The following TMPRSS11D variants were observed in gnomAD, a reference collection of about 807,000 sequenced individuals.
The protein encoded by TMPRSS11D is transmembrane serine protease 11D.
Under a neutral mutation model 44.4 loss-of-function variants are expected in TMPRSS11D, and 32 were observed. The ratio of observed to expected loss-of-function variants is 0.72; its 90% CI spans 0.54 to 0.97. The LOEUF (loss-of-function observed/expected upper bound fraction) is 0.97. Among genes scored for constraint, TMPRSS11D ranks in the 50% least tolerant of loss-of-function variants. The pLI is 0.00. For missense variants in TMPRSS11D, 446 were observed against 502.6 expected (o/e 0.89, Z 1.08); for synonymous variants, 179 against 177.9 (o/e 1.01, Z -0.05).
chr4:67,857,929 G>A (rs1718694371), intron 2 of TMPRSS11D, among the ~76,000 whole-genome samples: 1 of 152,034 alleles, frequency 6.6e-6, no homozygotes. Context: ...ACCCTGGCTT[G>A]ATCATTACAC....
intron 1 of TMPRSS11D, among the ~76,000 whole-genome samples, chr4:67,879,635 GTC>G (rs1202981841): frequency 6.6e-6 from 1 of 152,038 alleles, no homozygotes; most frequent in Non-Finnish European, 1.5e-5. Flanking sequence ...GAAAAGAATG[GTC>G]TCTGGTGGAG....
intron 1 of TMPRSS11D, among the ~76,000 whole-genome samples, chr4:67,880,302 C>T (rs1719290162): frequency 6.6e-6 from 1 of 151,768 alleles, no homozygotes; most frequent in Admixed American, 6.6e-5. Flanking sequence ...AATTAAAAAG[C>T]AAAAGGAGAG....
intron 2 of TMPRSS11D, among the ~76,000 whole-genome samples, chr4:67,855,061 C>A (rs1196583704): frequency 6.6e-6 from 1 of 152,166 alleles, no homozygotes; most frequent in Non-Finnish European, 1.5e-5. Context: ...TCGAGACCAA[C>A]CTGGCCAACA....
chr4:67,833,387 G>A lies in TMPRSS11D; in HGVS notation c.515-6C>T. The A allele has an allele frequency of 2.0e-6, 3 of 1,483,612 alleles. No individual in the cohort carries two copies. The highest frequency in any genetic ancestry group is 2.7e-6 in the Non-Finnish European group (3 of 1,114,474). 91.9% of individuals were successfully genotyped at this position (1,483,612 alleles called of 1,614,324 possible). ...GTCTGGACCGGCCCCACATTCTAATGAGAAAGGGCATTAATGTGCTGGGAA... is the reference window on the plus strand; with the variant it reads ...GTCTGGACCGGCCCCACATTCTAATAAGAAAGGGCATTAATGTGCTGGGAA... On this transcript the variant is annotated splice_polypyrimidine_tract_variant and splice_region_variant and intron_variant, in intron 6 of 9. Coordinates refer to ENST00000283916, the MANE Select transcript of TMPRSS11D (RefSeq NM_004262.3).
At chr4:67,867,462 A>G (rs1396085448) in intron 1 of TMPRSS11D, among the ~76,000 whole-genome samples, 1 of 152,176 alleles carries the variant, frequency 6.6e-6, no homozygotes, top group Non-Finnish European at 1.5e-5. Flanking sequence ...AATGCAACAA[A>G]ATAAAAATAG....
intron 1 of TMPRSS11D, among the ~76,000 whole-genome samples, chr4:67,868,996 T>C (rs1718992231): frequency 6.6e-6 from 1 of 152,238 alleles, no homozygotes; most frequent in South Asian, 2.1e-4. Context: ...AGAGTGGAAG[T>C]CCAAGATGAA....
intron 5 of TMPRSS11D, among the ~76,000 whole-genome samples, chr4:67,836,758 A>T (rs1047611463): frequency 6.6e-6 from 1 of 152,196 alleles, no homozygotes; most frequent in Non-Finnish European, 1.5e-5. Flanking sequence ...AAGTGTTTTG[A>T]TGATGATGGT....
intron 1 of TMPRSS11D, among the ~76,000 whole-genome samples, chr4:67,866,162 T>C (rs1201358611): frequency 6.6e-6 from 1 of 151,796 alleles, no homozygotes; most frequent in Non-Finnish European, 1.5e-5. Context: ...GTCAACTGGG[T>C]TTTATTCCAG....
intron 3 of TMPRSS11D, among the ~76,000 whole-genome samples, chr4:67,852,756 T>G (rs1345049932): frequency 1.3e-5 from 2 of 152,168 alleles, no homozygotes; most frequent in Non-Finnish European, 2.9e-5. Context: ...AATAAGTTCA[T>G]TATGTCAGAA....
chr4:67,848,614 T>G (rs1718415965), intron 3 of TMPRSS11D, among the ~76,000 whole-genome samples: 1 of 152,192 alleles, frequency 6.6e-6, no homozygotes. Context: ...TAGAGACATT[T>G]CTTAGAGGAA....
chr4:67,832,660 A>G (rs1252766473), intron 7 of TMPRSS11D, among the ~76,000 whole-genome samples: 1 of 150,634 alleles, frequency 6.6e-6, no homozygotes, highest in Non-Finnish European at 1.5e-5. Flanking sequence ...TGTTTATACT[A>G]GTAGCTTCTA....
At chr4:67,851,971 A>G (rs531880458) in intron 3 of TMPRSS11D, among the ~76,000 whole-genome samples, 1 of 152,292 alleles carries the variant, frequency 6.6e-6, no homozygotes, top group African/African-American at 2.4e-5. Context: ...AGGTTACACC[A>G]TCAAGGAGGT....
chr4:67,839,082 T>C (rs1718170742), intron 4 of TMPRSS11D: 2 of 152,126 alleles, frequency 1.3e-5, no homozygotes, highest in South Asian at 4.1e-4. Context: ...TTAAAGATAT[T>C]TGGCTTTGAG....
chr4:67,859,712 A>G (rs777899604), intron 1 of TMPRSS11D, 34 bp from the exon 2 acceptor site: 1 of 1,608,798 alleles, frequency 6.2e-7, no homozygotes, highest in Non-Finnish European at 8.5e-7. Context: ...AAAGTCATTC[A>G]TTTCACTGAT....
intron 1 of TMPRSS11D, among the ~76,000 whole-genome samples, chr4:67,871,911 G>T (rs1196903247): frequency 6.6e-6 from 1 of 152,118 alleles, no homozygotes; most frequent in Non-Finnish European, 1.5e-5. Context: ...CACCAGATTT[G>T]CAAAGTGTTG....
chr4:67,878,794 C>T (rs1259929382), intron 1 of TMPRSS11D, among the ~76,000 whole-genome samples: 3 of 151,922 alleles, frequency 2.0e-5, no homozygotes, highest in Non-Finnish European at 2.9e-5. Flanking sequence ...CGTGGTGGCA[C>T]GTGCCTGTAA....
At chr4:67,852,056 G>T (rs1001005654) in intron 3 of TMPRSS11D, among the ~76,000 whole-genome samples, 3 of 152,176 alleles carry the variant, frequency 2.0e-5, no homozygotes, top group African/African-American at 4.8e-5. Context: ...ACTCCCTTCA[G>T]TCTTCTGTGC....
intron 1 of TMPRSS11D, among the ~76,000 whole-genome samples, chr4:67,878,742 G>A (rs1452969586): frequency 6.6e-6 from 1 of 151,974 alleles, no homozygotes; most frequent in Non-Finnish European, 1.5e-5. Flanking sequence ...TGACCAACAT[G>A]GTGAAACCCC....
At position 67,855,339 on chromosome 4, in the gene TMPRSS11D, A is replaced by G. The variant is rs570726226; in HGVS notation, c.131-1153T>C. 5.3e-5 allele frequency among the ~76,000 whole-genome samples: 8 copies of G among 152,252 alleles called. No homozygotes were observed. The East Asian group carries it at 1.5e-3, about 29-fold the overall frequency. ...ACAAAATACTGTCAAACTGAATCCA[A>G]CAGCATATCAAAAAGATAATATACC... On this transcript the variant is annotated intron_variant, in intron 2 of 9. Coordinates refer to ENST00000283916, the MANE Select transcript of TMPRSS11D (RefSeq NM_004262.3).
Sources: allele counts gnomAD v4.1 joint callset (sites outside exome capture counted in the v4.1 genomes callset), GRCh38; gene constraint gnomAD v4.1.1; transcripts MANE v1.5; gene names NCBI Gene and HGNC (gene_info 2026-07-23, HGNC 2026-07-21).